TESK2: variants seen among roughly 807,000 people sequenced by gnomAD.
TESK2 encodes testis associated actin remodelling kinase 2.
TESK2 carries 39 observed loss-of-function variants against 57.1 expected under a neutral mutation model. That is an observed-to-expected ratio of 0.68 (90% CI 0.53 to 0.89). TESK2 has a LOEUF of 0.89. Ranked by LOEUF, TESK2 falls within the 40% of genes least tolerant of loss-of-function variation. The pLI is 0.00. For missense variants in TESK2, 646 were observed against 732.1 expected, an observed-to-expected ratio of 0.88 and a Z score of 1.36; for synonymous variants, 249 against 267.9, an observed-to-expected ratio of 0.93 and a Z score of 0.69.
chr1:45,438,503 T>C (rs1207965884), intron 2 of TESK2, among the ~76,000 whole-genome samples: 4 of 152,108 alleles, frequency 2.6e-5, no homozygotes, highest in African/African-American at 4.8e-5. Context: ...TAAAATAATA[T>C]CACATACCAC....
intron 2 of TESK2, among the ~76,000 whole-genome samples, chr1:45,443,568 CAAAAAAAAAAAAAAA>C (rs34128016): frequency 1.2e-4 from 4 of 32,022 alleles, no homozygotes; most frequent in African/African-American, 3.7e-4. Context: ...AGATCCATCG[CAAAAAAAAAAAAAAA>C]AAAAAAAAAA....
At chr1:45,462,637 C>G (rs895361082) in intron 1 of TESK2, among the ~76,000 whole-genome samples, 1 of 152,252 alleles carries the variant, frequency 6.6e-6, no homozygotes, top group African/African-American at 2.4e-5. Flanking sequence ...TTTATCCATT[C>G]ATTTGTTGAA....
intron 1 of TESK2, among the ~76,000 whole-genome samples, chr1:45,486,512 A>C (rs932143247): frequency 6.6e-6 from 1 of 151,704 alleles, no homozygotes; most frequent in Non-Finnish European, 1.5e-5. Flanking sequence ...ATCTCTACTA[A>C]AAATACAAAA....
chr1:45,419,507 A>C (rs1445805301), intron 3 of TESK2, among the ~76,000 whole-genome samples: 1 of 152,102 alleles, frequency 6.6e-6, no homozygotes, highest in Non-Finnish European at 1.5e-5. Context: ...GTAGATGCTC[A>C]AAAAATGTGT....
At chr1:45,386,300 G>T (rs138299437) in intron 3 of TESK2, among the ~76,000 whole-genome samples, 1 of 134,204 alleles carries the variant, frequency 7.5e-6, no homozygotes, top group South Asian at 2.5e-4. Context: ...AGCTGAGATC[G>T]CACCATTGCA....
intron 2 of TESK2, among the ~76,000 whole-genome samples, chr1:45,453,643 T>C (rs2149298503): frequency 6.6e-6 from 1 of 152,254 alleles, no homozygotes; most frequent in Non-Finnish European, 1.5e-5. Flanking sequence ...GATGATTCCT[T>C]GGATTGACAC....
intron 2 of TESK2, among the ~76,000 whole-genome samples, chr1:45,428,106 T>C (rs575953867): frequency 6.6e-6 from 1 of 152,148 alleles, no homozygotes; most frequent in Non-Finnish European, 1.5e-5. Flanking sequence ...AGCAATAACA[T>C]AGCTAACATT....
At chr1:45,377,430 T>C (rs1233325111) in intron 4 of TESK2, among the ~76,000 whole-genome samples, 1 of 151,032 alleles carries the variant, frequency 6.6e-6, no homozygotes, top group Non-Finnish European at 1.5e-5. Context: ...ATTTTTTTTT[T>C]TTTTTTTTGA....
intron 4 of TESK2, among the ~76,000 whole-genome samples, chr1:45,360,816 A>G (rs1369481853): frequency 1.3e-5 from 2 of 152,068 alleles, no homozygotes; most frequent in African/African-American, 4.8e-5. Context: ...GTCAACAAGG[A>G]AGATTTCTTT....
intron 4 of TESK2, among the ~76,000 whole-genome samples, chr1:45,360,154 C>T (rs763723635): frequency 1.6e-4 from 24 of 152,132 alleles, no homozygotes; most frequent in Non-Finnish European, 3.4e-4. Flanking sequence ...ATAAGCACAG[C>T]GCCTTGCTCT....
intron 3 of TESK2, among the ~76,000 whole-genome samples, chr1:45,410,825 G>A (rs1650014085): frequency 6.6e-6 from 1 of 151,184 alleles, no homozygotes; most frequent in Non-Finnish European, 1.5e-5. Flanking sequence ...GTGTTTCAGT[G>A]GCACAACTGA....
At chr1:45,477,555 G>A (rs1409826515) in intron 1 of TESK2, among the ~76,000 whole-genome samples, 1 of 151,948 alleles carries the variant, frequency 6.6e-6, no homozygotes, top group Non-Finnish European at 1.5e-5. Context: ...CTGGGAGACG[G>A]TGGTTGCAGT....
Position 45,486,415 on chromosome 1 carries a change from C to T in TESK2, c.-87+4437G>A, listed in dbSNP as rs76984370. Among the ~76,000 whole-genome samples, 1,013 of 152,142 alleles carry T rather than the reference C, an allele frequency of 6.7e-3. 11 individuals are homozygous for T. The highest frequency in any genetic ancestry group is 0.023 in the African/African-American group (973 of 41,492). On this transcript the variant is annotated intron_variant, in intron 1 of 10. Coordinates refer to ENST00000372086, the MANE Select transcript of TESK2 (RefSeq NM_007170.3). ...GTCAGTTTTCTCCTCAAAATAAGTC[C>T]GGGATGAGCATATTTAAATGTGTAA...
chr1:45,464,422 T>TA (rs34547506), intron 1 of TESK2, among the ~76,000 whole-genome samples: 10,586 of 121,018 alleles, frequency 0.087, 1,192 homozygotes, highest in African/African-American at 0.27. Flanking sequence ...AGACACTGGA[T>TA]AAAAAAAAAA....
Position 45,457,844 on chromosome 1 carries a change from T to C in TESK2, c.-59A>G. ...AGGAACTCCACACATAAATTTTTGT[T>C]GAATTTTACTTCTCTTCTGGTTTGA... On this transcript the variant is annotated 5_prime_UTR_variant, in exon 2 of 11. Transcript: ENST00000372086. 5.4e-6 allele frequency: 8 copies of C among 1,469,586 alleles called. No individual in the cohort carries two copies. Among genetic ancestry groups the C allele is most frequent in the Non-Finnish European group, 6.6e-6 (7 of 1,061,854 alleles). The allele number at this position is 1,469,586 out of a possible 1,614,324, so 91.0% of individuals were successfully genotyped here.
At chr1:45,474,409 T>A (rs932566960) in intron 1 of TESK2, among the ~76,000 whole-genome samples, 4 of 151,832 alleles carry the variant, frequency 2.6e-5, no homozygotes, top group African/African-American at 9.7e-5. Flanking sequence ...GGAGGACTGC[T>A]TGAGGCCAAG....
intron 4 of TESK2, among the ~76,000 whole-genome samples, chr1:45,370,187 A>C (rs1251231261): frequency 6.6e-6 from 1 of 152,216 alleles, no homozygotes; most frequent in Non-Finnish European, 1.5e-5. Flanking sequence ...GTAGTATTAT[A>C]GTAGGGCATA....
chr1:45,466,436 T>C (rs1023218195), intron 1 of TESK2, among the ~76,000 whole-genome samples: 3 of 151,608 alleles, frequency 2.0e-5, no homozygotes, highest in African/African-American at 7.3e-5. Flanking sequence ...ATCGTGCCAC[T>C]GCACTCCAGC....
rs911701591 is a variant in TESK2 at position 45,345,914 on chromosome 1, C to A, written c.960G>T (p.Glu320Asp). The A allele has an allele frequency of 4.3e-6, 7 of 1,614,012 alleles. No homozygotes were observed. In the African/African-American group the frequency reaches 5.3e-5, roughly 12 times the overall value. ...GCTGCAGCTTCCTATCCCTCTCCTG[C>A]TCTTCTTCCTGTAGGCGGCTCAGAA... is the stretch of plus-strand genomic sequence containing the variant. The part of the protein sequence containing the change: ...EEILSRLQEE[E>D]QERDRKLQPT... The change falls in exon 10 of 11, where the codon GAG becomes GAT. Residue 320 changes from glutamate to aspartate, a missense_variant. Transcript: ENST00000372086.
Sources: allele counts gnomAD v4.1 joint callset (sites outside exome capture counted in the v4.1 genomes callset), GRCh38; gene constraint gnomAD v4.1.1; transcripts MANE v1.5; gene names NCBI Gene and HGNC (gene_info 2026-07-23, HGNC 2026-07-21).